AARS1: variants seen among roughly 807,000 people sequenced by gnomAD.
AARS1 encodes alanine--tRNA ligase, cytoplasmic.
A neutral mutation model predicts 108.9 loss-of-function variants in AARS1; 72 were observed. The ratio of observed to expected loss-of-function variants is 0.66; its 90% CI spans 0.55 to 0.80. The LOEUF is 0.80. AARS1 is among the 30% of genes least tolerant of loss of function. AARS1 has a pLI of 0.00. For synonymous variants in AARS1, 489 were observed against 465.7 expected (o/e 1.05, Z -0.64); for missense variants, 1,193 against 1,233.2 (o/e 0.97, Z 0.49).
At chr16:70,279,302 G>C (rs1336551054) in intron 2 of AARS1, among the ~76,000 whole-genome samples, 4 of 130,012 alleles carry the variant, frequency 3.1e-5, no homozygotes, top group Non-Finnish European at 1.6e-5. Flanking sequence ...AGTGAGCTGA[G>C]ATTGCGTCAC....
intron 11 of AARS1, 123 bp downstream of exon 11, chr16:70,264,835 G>A: frequency 1.6e-6 from 2 of 1,233,052 alleles, no homozygotes; most frequent in Non-Finnish European, 2.3e-6. Flanking sequence ...TAGCGTGACT[G>A]TACGGCACTC....
intron 1 of AARS1, among the ~76,000 whole-genome samples, chr16:70,286,686 C>T (rs1960852389): frequency 7.0e-6 from 1 of 143,382 alleles, no homozygotes; most frequent in Non-Finnish European, 1.5e-5. Context: ...AAATACAACA[C>T]AACAAAAAAT....
rs1252533701 is a variant in AARS1, at chr16:70,271,835, T to C, written c.617A>G (p.Gln206Arg). 6.2e-7 allele frequency: 1 copy of C among 1,614,172 alleles called. No individual in the cohort carries two copies. The highest frequency in any genetic ancestry group is 1.1e-5 in the South Asian group (1 of 91,084). The part of the protein sequence containing the change: ...GGRDAAHLVN[Q>R]DDPNVLEIWN... ...GATCTCCAGCACATTAGGGTCGTCC[T>C]GGTTGACAAGATGTGCGGCGTCCCG... The change falls in exon 5 of 21, where the codon CAG (glutamine) becomes CGG (arginine). Residue 206 changes from glutamine to arginine, a missense_variant. Transcript: ENST00000261772.
At chr16:70,267,862 TGCCCC>T in intron 8 of AARS1, 53 bp from the exon 9 acceptor site, 1 of 1,612,772 alleles carries the variant, frequency 6.2e-7, no homozygotes, top group South Asian at 1.1e-5. Context: ...GACTGTTCCC[TGCCCC>T]GTCTTAAAAA....
At chr16:70,253,643 C>T in intron 19 of AARS1, 71 bp downstream of exon 19, 1 of 1,542,412 alleles carries the variant, frequency 6.5e-7, no homozygotes, top group Non-Finnish European at 8.9e-7. Context: ...CGCTCAGAGC[C>T]ACAGAGGCCA....
chr16:70,268,428 T>A, intron 7 of AARS1, 49 bp from the exon 8 acceptor site: 2 of 1,536,922 alleles, frequency 1.3e-6, no homozygotes, highest in Non-Finnish European at 1.8e-6. Context: ...GAGGGTTTTG[T>A]CTTGAGTCCC....
At position 70,288,768 on chromosome 16, in the gene AARS1, T is replaced by C. The variant is rs563561861; in HGVS notation, c.-22+653A>G. Among the ~76,000 whole-genome samples, 7 of 151,708 alleles carry C rather than the reference T, an allele frequency of 4.6e-5. No homozygotes were observed. In the South Asian group the frequency reaches 6.3e-4, roughly 14 times the overall value. On this transcript the variant is annotated intron_variant, in intron 1 of 20. Coordinates refer to ENST00000261772, the MANE Select transcript of AARS1 (RefSeq NM_001605.3). ...TTTTAGTAAAGACGGGGTTTCACCA[T>C]GTTGGCCAGGCTAGTCTCGAACCCC...
chr16:70,253,037 C>T, intron 20 of AARS1, 131 bp from the exon 21 acceptor site: 1 of 1,123,216 alleles, frequency 8.9e-7, no homozygotes, highest in East Asian at 2.5e-5. Context: ...CCGAGACAGA[C>T]TTTACGGCTG....
intron 6 of AARS1, 143 bp from the exon 7 acceptor site, chr16:70,269,906 T>G (rs192084852): frequency 8.6e-7 from 1 of 1,161,060 alleles, no homozygotes; most frequent in Non-Finnish European, 1.3e-6. Flanking sequence ...GAACGTGACA[T>G]TGGGGAAGTA....
intron 4 of AARS1, among the ~76,000 whole-genome samples, chr16:70,272,889 G>GACACACACACACAC (rs71928705): frequency 0.034 from 4,831 of 140,292 alleles, 263 homozygotes; most frequent in African/African-American, 0.11. Flanking sequence ...CAGCCTGGGT[G>GACACACACACACAC]ACACACACAC....
Position 70,252,747 on chromosome 16 carries a change from G to A in AARS1, c.2881C>T (p.Leu961=). The A allele has an allele frequency of 6.2e-7, 1 of 1,614,154 alleles. No individual in the cohort carries two copies. Among genetic ancestry groups the A allele is most frequent in the Non-Finnish European group, 8.5e-7 (1 of 1,180,042 alleles). ...CAGTTCTTTACATCCCCGAGGCGCA[G>A]CTGGGCGAAGGAAGTGGCCAGCTGC... ...ALQLATSFAQ[L]RLGDVKN is the part of the protein sequence containing the mutation. Residue 961 remains leucine (L), a synonymous_variant, in exon 21 of 21, where the codon CTG becomes TTG. Coordinates refer to ENST00000261772, the MANE Select transcript of AARS1 (RefSeq NM_001605.3).
chr16:70,265,055 C>T lies in AARS1; in HGVS notation c.1395G>A (p.Leu465=), dbSNP rs890095859. 14 of 1,614,002 alleles carry T rather than the reference C, an allele frequency of 8.7e-6. No homozygotes were observed. The Admixed American group carries it at 1.7e-4, about 19-fold the overall frequency. The change falls in exon 11 of 21, where the codon CTG becomes CTA. Residue 465 remains leucine, a synonymous_variant. Transcript: ENST00000261772. Reference sequence around the variant, plus strand: ...GGAGCTCTTCGATAGCGTAAATGTCCAGCATAATGAGGTCTTCCCCACCAG... The same window carrying T: ...GGAGCTCTTCGATAGCGTAAATGTCTAGCATAATGAGGTCTTCCCCACCAG... ...KGAGGEDLIM[L]DIYAIEELRA...
chr16:70,271,942 G>T lies in AARS1; in HGVS notation c.510C>A (p.Asn170Lys), dbSNP rs775904247. The change falls in exon 5 of 21, where the codon AAC becomes AAA. Residue 170 changes from asparagine (N) to lysine (K), a missense_variant. Asn to Lys is a moderately conservative substitution (Grantham distance 94). Coordinates refer to ENST00000261772, the MANE Select transcript of AARS1 (RefSeq NM_001605.3). ...CCATCTCCCAGAAGTTATCCTTCAT[G>T]TTGCCTGGGAGGATTTTGGTGTCAT... ...GLDDTKILPG[N>K]MKDNFWEMGD... The T allele has an allele frequency of 8.1e-6, 13 of 1,614,012 alleles. No individual in the cohort carries two copies. The highest frequency in any genetic ancestry group is 1.7e-5 in the Admixed American group (1 of 59,980).
At chr16:70,258,914 T>C in intron 14 of AARS1, 66 bp downstream of exon 14, 1 of 1,533,666 alleles carries the variant, frequency 6.5e-7, no homozygotes, top group South Asian at 1.1e-5. Context: ...AGCACCGCAC[T>C]GCTAAGACTG....
At position 70,253,900 on chromosome 16, in the gene AARS1, T is replaced by C. The variant is rs376619331; in HGVS notation, c.2520+19A>G. 3.1e-5 allele frequency: 50 copies of C among 1,614,130 alleles called. No homozygotes were observed. In the African/African-American group the frequency reaches 6.3e-4, roughly 20 times the overall value. On this transcript the variant is annotated intron_variant, in intron 18 of 20. Coordinates refer to ENST00000261772, the MANE Select transcript of AARS1 (RefSeq NM_001605.3). ...TTTGCCTAGGAAACACTCTGGCCAC[T>C]GGTGCTGCCAGGACTCACTCGTTTC...
chr16:70,280,884 G>A (rs535567910), intron 2 of AARS1, among the ~76,000 whole-genome samples: 5 of 152,252 alleles, frequency 3.3e-5, no homozygotes, highest in African/African-American at 9.6e-5. Flanking sequence ...CTGAAGTGCA[G>A]TGGTATGATC....
chr16:70,281,272 A>G (rs1317830942), intron 2 of AARS1, among the ~76,000 whole-genome samples: 1 of 152,172 alleles, frequency 6.6e-6, no homozygotes, highest in East Asian at 1.9e-4. Context: ...CACACCTGTA[A>G]TCACACCACT....
At chr16:70,264,611 C>CA (rs1342002508) in intron 11 of AARS1, among the ~76,000 whole-genome samples, 1 of 152,132 alleles carries the variant, frequency 6.6e-6, no homozygotes, top group Non-Finnish European at 1.5e-5. Flanking sequence ...GGCACAGCGC[C>CA]AGGCCCCTAA....
At chr16:70,269,398 G>A (rs929937868) in intron 7 of AARS1, among the ~76,000 whole-genome samples, 4 of 143,282 alleles carry the variant, frequency 2.8e-5, no homozygotes, top group African/African-American at 5.4e-5. Context: ...TTAGCCAGGC[G>A]TGGTGGTGTG....
Sources: gnomAD v4.1 joint callset for allele counts (sites outside exome capture counted in the v4.1 genomes callset) on GRCh38, gnomAD v4.1.1 for gene constraint, MANE v1.5 for transcripts, NCBI Gene and HGNC (gene_info 2026-07-23, HGNC 2026-07-21) for gene names.